Variants in LARP6 observed in about 807,000 individuals in gnomAD.
LARP6 encodes la-related protein 6.
A neutral mutation model predicts 32.8 loss-of-function variants in LARP6; 18 were observed. The ratio of observed to expected loss-of-function variants is 0.55; its 90% confidence interval spans 0.38 to 0.81. LARP6 has a LOEUF of 0.81. Among genes scored for constraint, LARP6 ranks in the 40% least tolerant of loss-of-function variants. The pLI, the probability that LARP6 is intolerant of heterozygous loss-of-function variation, is 0.00. For synonymous variants in LARP6, 289 were observed against 267.2 expected, an observed-to-expected ratio of 1.08 and a Z score of -0.80; for missense variants, 598 against 663.1, an observed-to-expected ratio of 0.90 and a Z score of 1.08.
chr15:70,841,641 A>G (rs951276183), intron 1 of LARP6, among the ~76,000 whole-genome samples: 4 of 152,086 alleles, frequency 2.6e-5, no homozygotes, highest in African/African-American at 9.7e-5. Context: ...GTGAGTTCTC[A>G]TAAGACCTGG....
chr15:70,845,059 C>T (rs2032321932), intron 1 of LARP6, among the ~76,000 whole-genome samples: 2 of 152,138 alleles, frequency 1.3e-5, no homozygotes, highest in African/African-American at 4.8e-5. Flanking sequence ...GAAAATTGTA[C>T]AGAGAGTTCC....
chr15:70,845,291 T>G (rs902488410), intron 1 of LARP6, among the ~76,000 whole-genome samples: 2 of 152,220 alleles, frequency 1.3e-5, no homozygotes, highest in African/African-American at 4.8e-5. Flanking sequence ...CATTAAGCTG[T>G]CATGTCTCCT....
rs536953770 is a variant in LARP6 at position 70,851,764 on chromosome 15, C to A, written c.200+2125G>T. 3.0e-5 allele frequency: 48 copies of A among 1,613,352 alleles called. 1 individual carries two copies. The South Asian group carries it at 5.1e-4, about 17-fold the overall frequency. ...GATAGAATCACAATTGTGGAAGGTGCTAGGCATAAAATGTACAGAGTACTA... is the reference window on the plus strand; with the variant it reads ...GATAGAATCACAATTGTGGAAGGTGATAGGCATAAAATGTACAGAGTACTA... On this transcript the variant is annotated intron_variant, in intron 1 of 2. Transcript: ENST00000299213.
At chr15:70,846,541 C>T (rs771379951) in intron 1 of LARP6, among the ~76,000 whole-genome samples, 1 of 151,914 alleles carries the variant, frequency 6.6e-6, no homozygotes, top group African/African-American at 2.4e-5. Context: ...CCCAGGAGGT[C>T]GAGGCTACAG....
intron 1 of LARP6, among the ~76,000 whole-genome samples, chr15:70,836,995 T>G (rs889460498): frequency 6.6e-6 from 1 of 152,164 alleles, no homozygotes; most frequent in Non-Finnish European, 1.5e-5. Context: ...GAATTGACAC[T>G]GGGTCACATG....
In LARP6 at chr15:70,836,305, G is replaced by T; in HGVS notation, c.401C>A (p.Ser134Tyr). 6.2e-7 allele frequency: 1 copy of T among 1,613,868 alleles called. No individual in the cohort carries two copies. The highest frequency in any genetic ancestry group is 1.3e-5 in the African/African-American group (1 of 75,032). The part of the protein sequence containing the change: ...LGYVSVKLLT[S>Y]FKKVKHLTRD... The stretch of plus-strand genomic sequence containing the variant: ...AGAACCAAGCCTCACCTTTTTGAAG[G>T]ATGTGAGTAGCTTAACGCTCACATA... The change falls in exon 2 of 3, where the codon TCC becomes TAC. Residue 134 changes from serine (S) to tyrosine (Y), a missense_variant. Transcript: ENST00000299213.
intron 1 of LARP6, among the ~76,000 whole-genome samples, chr15:70,841,217 A>C (rs2032252713): frequency 6.6e-6 from 1 of 152,118 alleles, no homozygotes; most frequent in Admixed American, 6.5e-5. Context: ...CCGGCCGGGC[A>C]GTATAATTTC....
intron 1 of LARP6, among the ~76,000 whole-genome samples, chr15:70,844,496 A>G (rs1383617281): frequency 2.6e-5 from 4 of 152,184 alleles, no homozygotes; most frequent in Admixed American, 2.6e-4. Flanking sequence ...CTATAGATAC[A>G]TACTGAAAGT....
In LARP6 at chr15:70,832,439, C is replaced by G; in HGVS notation, c.1089G>C (p.Pro363=). ...RRHAATNKLS[P]SGHQNLFLSP... is the part of the protein sequence containing the mutation. The stretch of plus-strand genomic sequence containing the variant: ...TCAGAAAGAGATTCTGGTGGCCAGA[C>G]GGGCTGAGCTTGTTGGTGGCCGCGT... The change falls in exon 3 of 3, where the codon CCG becomes CCC. Residue 363 remains proline, a synonymous_variant. Transcript: ENST00000299213. 3 of 1,573,588 alleles carry G rather than the reference C, an allele frequency of 1.9e-6. No individual in the cohort carries two copies. Among genetic ancestry groups the G allele is most frequent in the Non-Finnish European group, 2.6e-6 (3 of 1,161,376 alleles).
At chr15:70,835,336 G>A (rs898520502) in intron 2 of LARP6, among the ~76,000 whole-genome samples, 2 of 152,170 alleles carry the variant, frequency 1.3e-5, no homozygotes, top group African/African-American at 4.8e-5. Flanking sequence ...TAATCTTTCA[G>A]ATCTCTCTCC....
chr15:70,853,765 C>T, intron 1 of LARP6, 124 bp downstream of exon 1: 1 of 704,186 alleles, frequency 1.4e-6, no homozygotes, highest in Non-Finnish European at 1.9e-6. Flanking sequence ...AGCTGCTTCC[C>T]CGGCGGCGGG....
chr15:70,831,848 A>C lies in LARP6; in HGVS notation c.*204T>G. On this transcript the variant is annotated 3_prime_UTR_variant, in exon 3 of 3. Coordinates refer to ENST00000299213, the MANE Select transcript of LARP6 (RefSeq NM_018357.4). ...CATCAAAATAGTGGCCATGCTGGGA[A>C]GAACAGGAGTCCTGAACTAGAAGGT... is the stretch of plus-strand genomic sequence containing the variant. 2.5e-6 allele frequency: 1 copy of C among 394,642 alleles called. No individual in the cohort carries two copies. Among genetic ancestry groups the C allele is most frequent in the Non-Finnish European group, 4.5e-6 (1 of 223,296 alleles). 24.4% of individuals were successfully genotyped at this position (394,642 alleles called of 1,614,324 possible). A position where few individuals can be genotyped will look rare whatever the true frequency, so the allele number is the denominator to read the frequency against.
chr15:70,850,699 T>C (rs1160613682), intron 1 of LARP6, among the ~76,000 whole-genome samples: 4 of 152,218 alleles, frequency 2.6e-5, no homozygotes, highest in Admixed American at 1.3e-4. Flanking sequence ...GCTCCTGAAG[T>C]GATGGAACAT....
intron 1 of LARP6, among the ~76,000 whole-genome samples, chr15:70,839,147 T>C (rs1448815655): frequency 6.6e-6 from 1 of 152,102 alleles, no homozygotes; most frequent in African/African-American, 2.4e-5. Flanking sequence ...AAGGTAAATG[T>C]AGAGTGAAGA....
chr15:70,835,598 G>A (rs1177037786), intron 2 of LARP6, among the ~76,000 whole-genome samples: 1 of 152,176 alleles, frequency 6.6e-6, no homozygotes, highest in Non-Finnish European at 1.5e-5. Context: ...TACGCATCCC[G>A]TTATGCAACA....
rs537403013 is a variant in LARP6 at position 70,838,698 on chromosome 15, T to A, written c.201-2193A>T. ...GGGGATTATAACAATTTCAAACCAA[T>A]AAACATTTAGAGAATACTGATTATC... On this transcript the variant is annotated intron_variant, in intron 1 of 2. Coordinates refer to ENST00000299213, the MANE Select transcript of LARP6 (RefSeq NM_018357.4). Among the ~76,000 whole-genome samples, 5 of 152,182 alleles carry A rather than the reference T, an allele frequency of 3.3e-5. No homozygotes were observed. In the East Asian group the frequency reaches 9.6e-4, roughly 29 times the overall value.
In LARP6 at chr15:70,832,638, T is replaced by C. The variant is rs2032071135; in HGVS notation, c.890A>G (p.Lys297Arg). 1.2e-6 allele frequency: 2 copies of C among 1,609,568 alleles called. No individual in the cohort carries two copies. The highest frequency in any genetic ancestry group is 2.2e-5 in the South Asian group (2 of 90,290). Reference protein sequence around the residue: ...KAVLIGMKPPKKKPAKDKNHD... With the variant: ...KAVLIGMKPPRKKPAKDKNHD... The stretch of plus-strand genomic sequence containing the variant: ...ATTTTTGTCTTTGGCAGGTTTCTTT[T>C]TGGGTGGCTTCATACCAATCAGGAC... The change falls in exon 3 of 3, where the codon AAA becomes AGA. Residue 297 changes from lysine (K) to arginine (R), a missense_variant. Around this residue, in one of 3 missense-constraint regions of LARP6, gnomAD observed 368 missense variants for 397.9 expected, o/e 0.92. Coordinates refer to ENST00000299213, the MANE Select transcript of LARP6 (RefSeq NM_018357.4).
At position 70,841,145 on chromosome 15, in the gene LARP6, C is replaced by T. The variant is rs567566370; in HGVS notation, c.201-4640G>A. ...AGCCAAGATGGTCTCGATCTCCTGA[C>T]CTCGTGATCCGCCCACCTCGGCCTC... On this transcript the variant is annotated intron_variant, in intron 1 of 2. Coordinates refer to ENST00000299213, the MANE Select transcript of LARP6 (RefSeq NM_018357.4). Among the ~76,000 whole-genome samples the T allele has an allele frequency of 2.0e-3, 301 of 152,000 alleles. 2 individuals are homozygous for T. Among genetic ancestry groups the T allele is most frequent in the African/African-American group, 6.7e-3 (277 of 41,470 alleles).
chr15:70,842,205 C>T lies in LARP6; in HGVS notation c.201-5700G>A, dbSNP rs185793846. 4.9e-4 allele frequency among the ~76,000 whole-genome samples: 74 copies of T among 152,172 alleles called. No homozygotes were observed. In the East Asian group the frequency reaches 0.013, roughly 27 times the overall value. On this transcript the variant is annotated intron_variant, in intron 1 of 2. Coordinates refer to ENST00000299213, the MANE Select transcript of LARP6 (RefSeq NM_018357.4). ...GGGCTATAGGAATGTGCCATCATGC[C>T]TGGCTAATTTTTCTGTTTTTTTTGT...
Sources: gnomAD v4.1 joint callset for allele counts (sites outside exome capture counted in the v4.1 genomes callset) on GRCh38, gnomAD v4.1.1 for gene constraint, gnomAD v4.1.1 regional missense constraint, MANE v1.5 for transcripts, NCBI Gene and HGNC (gene_info 2026-07-23, HGNC 2026-07-21) for gene names.